NBEA: variants seen among roughly 807,000 people sequenced by gnomAD.
The protein encoded by NBEA is lysosomal-trafficking regulator 2.
A neutral mutation model predicts 343.4 loss-of-function variants in NBEA; 44 were observed. That is an observed-to-expected ratio of 0.13 (90% CI 0.10 to 0.16). NBEA has a LOEUF of 0.16. Among genes scored for constraint, NBEA ranks in the 10% least tolerant of loss-of-function variants. NBEA has a pLI of 1.00. For missense variants in NBEA, 2,555 were observed against 3,631.3 expected, an observed-to-expected ratio of 0.70 and a Z score of 7.62; for synonymous variants, 1,175 against 1,238.7, an observed-to-expected ratio of 0.95 and a Z score of 1.08.
intron 10 of NBEA, among the ~76,000 whole-genome samples, chr13:35,084,171 A>C (rs957480571): frequency 6.6e-6 from 1 of 152,106 alleles, no homozygotes; most frequent in Non-Finnish European, 1.5e-5. Flanking sequence ...GATCAACGAG[A>C]CAGAAAGTTA....
intron 41 of NBEA, among the ~76,000 whole-genome samples, chr13:35,498,078 A>G (rs1236423598): frequency 1.3e-5 from 2 of 152,032 alleles, no homozygotes; most frequent in African/African-American, 4.8e-5. Flanking sequence ...GGTCATATGT[A>G]CCAAATTTCA....
At position 35,472,460 on chromosome 13, in the gene NBEA, C is replaced by G; in HGVS notation, c.6509C>G (p.Thr2170Ser). The G allele has an allele frequency of 1.2e-6, 2 of 1,613,980 alleles. No individual in the cohort carries two copies. Among genetic ancestry groups the G allele is most frequent in the Non-Finnish European group, 1.7e-6 (2 of 1,179,890 alleles). ...LIAPVVVAKG[T>S]LSITTTEIYF... ...GCTCCCGTGGTGGTGGCCAAGGGGA[C>G]TCTCTCCATCACCACGACAGAAATC... Residue 2170 changes from threonine to serine, a missense_variant, in exon 41 of 59, where the codon ACT (threonine) becomes AGT (serine). Thr to Ser is a moderately conservative substitution (Grantham distance 58). Coordinates refer to ENST00000379939, the MANE Select transcript of NBEA (RefSeq NM_001385012.1).
At chr13:35,245,481 T>C (rs1179803528) in intron 34 of NBEA, among the ~76,000 whole-genome samples, 4 of 152,160 alleles carry the variant, frequency 2.6e-5, no homozygotes, top group Non-Finnish European at 5.9e-5. Context: ...GCTGTCTTGG[T>C]AGTAGAGAAT....
chr13:35,010,755 T>TATATATATATAAAAAA (rs2061467415), intron 1 of NBEA, among the ~76,000 whole-genome samples: 1 of 88,564 alleles, frequency 1.1e-5, no homozygotes, highest in African/African-American at 4.8e-5. Flanking sequence ...TATATATATA[T>TATATATATATAAAAAA]ATATATATAT....
chr13:34,983,804 G>A (rs1260161423), intron 1 of NBEA, among the ~76,000 whole-genome samples: 3 of 152,092 alleles, frequency 2.0e-5, no homozygotes, highest in Non-Finnish European at 4.4e-5. Flanking sequence ...GTGTCTGTTG[G>A]CTGCATAAAT....
rs993062807 is a variant in NBEA at position 35,195,760 on chromosome 13, C to T, written c.4928-104C>T. On this transcript the variant is annotated intron_variant, in intron 30 of 58. Transcript: ENST00000379939. ...ACATCCGTTTAGCAATTTTTTGTTTCTACAGGTTTTGTTTTCTTTATTTGA... is the reference window on the plus strand; with the variant it reads ...ACATCCGTTTAGCAATTTTTTGTTTTTACAGGTTTTGTTTTCTTTATTTGA... 9.2e-6 allele frequency: 10 copies of T among 1,081,942 alleles called. No individual in the cohort carries two copies. The East Asian group carries it at 2.3e-4, about 25-fold the overall frequency. The allele number at this position is 1,081,942 out of a possible 1,614,324, so 67.0% of individuals were successfully genotyped here. A position where few individuals can be genotyped will look rare whatever the true frequency, so the allele number is the denominator to read the frequency against.
intron 41 of NBEA, among the ~76,000 whole-genome samples, chr13:35,545,852 G>A (rs2079036149): frequency 1.3e-5 from 2 of 152,298 alleles, no homozygotes; most frequent in South Asian, 2.1e-4. Context: ...TTAGATTACT[G>A]TTTTGGTTCT....
At chr13:34,961,286 C>G (rs1158132337) in intron 1 of NBEA, among the ~76,000 whole-genome samples, 1 of 151,962 alleles carries the variant, frequency 6.6e-6, no homozygotes, top group Non-Finnish European at 1.5e-5. Context: ...GAAAAAACCA[C>G]AAGTCTAATA....
At chr13:35,646,943 T>C (rs1475262017) in intron 51 of NBEA, among the ~76,000 whole-genome samples, 1 of 152,160 alleles carries the variant, frequency 6.6e-6, no homozygotes, top group Non-Finnish European at 1.5e-5. Context: ...GTAAAAATAG[T>C]ACCTACTACT....
Position 35,671,093 on chromosome 13 carries a change from T to G in NBEA, c.*102T>G. The G allele has an allele frequency of 1.3e-6, 1 of 743,522 alleles. No homozygotes were observed. The highest frequency in any genetic ancestry group is 2.3e-6 in the Non-Finnish European group (1 of 438,744). The allele number at this position is 743,522 out of a possible 1,614,324, so 46.1% of individuals were successfully genotyped here. A position where few individuals can be genotyped will look rare whatever the true frequency, so the allele number is the denominator to read the frequency against. On this transcript the variant is annotated 3_prime_UTR_variant, in exon 59 of 59. Transcript: ENST00000379939. ...AAAAACTCGTCTACATCGACCTCCGTTTGTACATTCCATCACACCCAGCAA... is the reference window on the plus strand; with the variant it reads ...AAAAACTCGTCTACATCGACCTCCGGTTGTACATTCCATCACACCCAGCAA...
At chr13:35,308,458 A>ATATATATATATATATATATATATATG (rs1566596919) in intron 35 of NBEA, among the ~76,000 whole-genome samples, 1 of 118,466 alleles carries the variant, frequency 8.4e-6, no homozygotes, top group African/African-American at 4.1e-5. Context: ...ATATATATAT[A>ATATATATATATATATATATATATATG]TATATATATA....
At chr13:35,372,487 C>G (rs1410826099) in intron 38 of NBEA, among the ~76,000 whole-genome samples, 1 of 152,140 alleles carries the variant, frequency 6.6e-6, no homozygotes, top group Non-Finnish European at 1.5e-5. Context: ...CCTCAAGTAT[C>G]CTGGTGATAC....
chr13:35,550,085 G>A (rs1418716208), intron 41 of NBEA, among the ~76,000 whole-genome samples: 1 of 152,070 alleles, frequency 6.6e-6, no homozygotes, highest in Non-Finnish European at 1.5e-5. Flanking sequence ...CTTTGCCTGG[G>A]GTTGACCATA....
chr13:35,519,347 A>G (rs1308197459), intron 41 of NBEA, among the ~76,000 whole-genome samples: 2 of 152,170 alleles, frequency 1.3e-5, no homozygotes, highest in East Asian at 3.8e-4. Flanking sequence ...TCTTGCATCT[A>G]TTAGATGATT....
intron 35 of NBEA, among the ~76,000 whole-genome samples, chr13:35,301,185 ATTTTAC>A (rs2036518515): frequency 6.7e-6 from 1 of 149,104 alleles, no homozygotes; most frequent in East Asian, 2.0e-4. Context: ...TTTTTTTTTA[ATTTTAC>A]TTTAAGTTCT....
At chr13:35,532,802 T>C (rs1226104537) in intron 41 of NBEA, among the ~76,000 whole-genome samples, 1 of 152,158 alleles carries the variant, frequency 6.6e-6, no homozygotes, top group Non-Finnish European at 1.5e-5. Context: ...GAGTTGCTGA[T>C]AATGGTACAG....
intron 38 of NBEA, among the ~76,000 whole-genome samples, chr13:35,422,080 T>TTTTG (rs1305331727): frequency 9.2e-6 from 1 of 108,564 alleles, no homozygotes; most frequent in Non-Finnish European, 1.8e-5. Flanking sequence ...TCCGCCATTT[T>TTTTG]TTTGTTTGTT....
chr13:35,148,195 T>C (rs1472328654), intron 18 of NBEA, among the ~76,000 whole-genome samples: 1 of 152,144 alleles, frequency 6.6e-6, no homozygotes, highest in East Asian at 1.9e-4. Flanking sequence ...GGAGATTTCT[T>C]GCAAAGAGAA....
At chr13:35,092,929 A>G (rs189157675) in intron 10 of NBEA, among the ~76,000 whole-genome samples, 1 of 152,150 alleles carries the variant, frequency 6.6e-6, no homozygotes, top group East Asian at 1.9e-4. Flanking sequence ...CACAATTGCT[A>G]TTCTACAACC....
Sources: gnomAD v4.1 joint callset for allele counts (sites outside exome capture counted in the v4.1 genomes callset) on GRCh38, gnomAD v4.1.1 for gene constraint, MANE v1.5 for transcripts, NCBI Gene and HGNC (gene_info 2026-07-23, HGNC 2026-07-21) for gene names.